Variants in SEMA3A observed in about 807,000 individuals in gnomAD.
SEMA3A encodes the protein semaphorin 3A, also known as semaphorin-3A.
A neutral mutation model predicts 97.9 loss-of-function variants in SEMA3A; 29 were observed. The ratio of observed to expected loss-of-function variants is 0.30; its 90% CI spans 0.22 to 0.40. The LOEUF (loss-of-function observed/expected upper bound fraction) is 0.40, where lower values mean the gene tolerates loss of function less well. SEMA3A is among the 10% of genes least tolerant of loss of function. The pLI, the probability that SEMA3A is intolerant of heterozygous loss-of-function variation, is 1.00. For missense variants in SEMA3A, 763 were observed against 951.3 expected (o/e 0.80, Z 2.60); for synonymous variants, 321 against 323.7 (o/e 0.99, Z 0.09).
At chr7:84,248,775 G>T (rs187086485) in intron 3 of SEMA3A, among the ~76,000 whole-genome samples, 5 of 143,590 alleles carry the variant, frequency 3.5e-5, no homozygotes, top group African/African-American at 1.3e-4. Flanking sequence ...TTAAAATTAC[G>T]CAGTAAGTTT....
At chr7:84,334,219 A>G (rs964324273) in intron 2 of SEMA3A, among the ~76,000 whole-genome samples, 7 of 152,016 alleles carry the variant, frequency 4.6e-5, no homozygotes, top group Admixed American at 3.3e-4. Context: ...CCATTTATAT[A>G]TTTGCTATTC....
At chr7:83,979,978 A>G (rs1789326038) in intron 14 of SEMA3A, among the ~76,000 whole-genome samples, 1 of 152,216 alleles carries the variant, frequency 6.6e-6, no homozygotes, top group African/African-American at 2.4e-5. Context: ...AATAGCTATA[A>G]TAAACAATAA....
At chr7:84,001,740 T>C (rs142663382) in intron 12 of SEMA3A, among the ~76,000 whole-genome samples, 2 of 152,180 alleles carry the variant, frequency 1.3e-5, no homozygotes, top group African/African-American at 4.8e-5. Context: ...GAAAACAAAA[T>C]ATGAGCCAAA....
chr7:84,149,895 A>G (rs905852969), intron 1 of SEMA3A, among the ~76,000 whole-genome samples: 1 of 152,222 alleles, frequency 6.6e-6, no homozygotes, highest in African/African-American at 2.4e-5. Context: ...TGTTATTGCT[A>G]TTAAATTTTA....
intron 1 of SEMA3A, among the ~76,000 whole-genome samples, chr7:84,432,237 A>C (rs1045346599): frequency 1.3e-5 from 2 of 152,130 alleles, no homozygotes; most frequent in Admixed American, 1.3e-4. Context: ...TATGTGTTGC[A>C]GAGAGAAAAA....
intron 1 of SEMA3A, among the ~76,000 whole-genome samples, chr7:84,463,275 C>G (rs182796891): frequency 0.018 from 1,733 of 98,130 alleles, 45 homozygotes; most frequent in African/African-American, 0.076. Flanking sequence ...TTAGGAGGGA[C>G]TCTTGCTCTG....
At chr7:84,266,065 T>C (rs1271496530) in intron 3 of SEMA3A, among the ~76,000 whole-genome samples, 1 of 152,052 alleles carries the variant, frequency 6.6e-6, no homozygotes, top group African/African-American at 2.4e-5. Context: ...ACATCTGTAA[T>C]CCCAACACTT....
chr7:84,414,145 GT>G lies in SEMA3A; in HGVS notation c.-245-42246del, dbSNP rs1804359961. Among the ~76,000 whole-genome samples the G allele has an allele frequency of 2.6e-5, 4 of 151,982 alleles. No individual in the cohort carries two copies. In the South Asian group the frequency reaches 6.2e-4, roughly 24 times the overall value. Reference sequence around the variant, plus strand: ...AGTTTAAAAAGTAAATTATATATTTGTTTTCTTGTTTTATATTAAAAATAGT... The same window carrying G: ...AGTTTAAAAAGTAAATTATATATTTGTTTCTTGTTTTATATTAAAAATAGT... On this transcript the variant is annotated intron_variant, in intron 1 of 3. Coordinates refer to the SEMA3A transcript ENST00000424555.
chr7:84,423,566 AT>A (rs371939986), intron 1 of SEMA3A, among the ~76,000 whole-genome samples: 2 of 151,926 alleles, frequency 1.3e-5, no homozygotes, highest in African/African-American at 4.8e-5. Context: ...CTCTGTAATT[AT>A]TTTTTTGTCG....
chr7:84,026,595 T>G (rs1279167851), intron 6 of SEMA3A, among the ~76,000 whole-genome samples: 1 of 152,152 alleles, frequency 6.6e-6, no homozygotes, highest in East Asian at 1.9e-4. Context: ...GGAATCAACC[T>G]AAATGCCCAT....
At chr7:84,298,913 A>T (rs1800930747) in intron 3 of SEMA3A, among the ~76,000 whole-genome samples, 1 of 152,148 alleles carries the variant, frequency 6.6e-6, no homozygotes, top group Non-Finnish European at 1.5e-5. Context: ...ACGATGGAAG[A>T]GGAGACTTGG....
chr7:84,178,464 C>T (rs1797642644), intron 1 of SEMA3A, among the ~76,000 whole-genome samples: 1 of 151,334 alleles, frequency 6.6e-6, no homozygotes, highest in African/African-American at 2.4e-5. Context: ...AGAGGTAGAT[C>T]TTTTATTATT....
intron 2 of SEMA3A, among the ~76,000 whole-genome samples, chr7:84,357,411 T>C (rs1217267000): frequency 1.3e-5 from 2 of 151,996 alleles, no homozygotes; most frequent in African/African-American, 2.4e-5. Context: ...TTGCGATAGT[T>C]TGCTGAGAAT....
intron 5 of SEMA3A, among the ~76,000 whole-genome samples, chr7:84,051,460 C>T (rs1792649609): frequency 6.6e-6 from 1 of 152,108 alleles, no homozygotes; most frequent in East Asian, 1.9e-4. Flanking sequence ...GTATTTTATT[C>T]TCTTTGAAGC....
chr7:84,364,315 A>G (rs1442188956), intron 2 of SEMA3A, among the ~76,000 whole-genome samples: 1 of 151,708 alleles, frequency 6.6e-6, no homozygotes, highest in Non-Finnish European at 1.5e-5. Context: ...CACCTTGTAC[A>G]TTGGCCTTAA....
intron 1 of SEMA3A, among the ~76,000 whole-genome samples, chr7:84,164,119 A>G (rs1385832526): frequency 6.6e-6 from 1 of 152,194 alleles, no homozygotes; most frequent in African/African-American, 2.4e-5. Context: ...TTCTGGGATT[A>G]CAGACGTGGG....
chr7:84,302,312 A>G (rs1196704577), intron 3 of SEMA3A, among the ~76,000 whole-genome samples: 1 of 152,178 alleles, frequency 6.6e-6, no homozygotes, highest in Non-Finnish European at 1.5e-5. Context: ...TAAAGGATAT[A>G]CACTTCATTA....
At chr7:84,000,900 A>C (rs1209587149) in intron 12 of SEMA3A, among the ~76,000 whole-genome samples, 2 of 152,154 alleles carry the variant, frequency 1.3e-5, no homozygotes, top group Non-Finnish European at 2.9e-5. Flanking sequence ...ACATCTTGGG[A>C]AAACTGCTTA....
chr7:84,317,558 T>G (rs1801539015), intron 2 of SEMA3A, among the ~76,000 whole-genome samples: 1 of 152,144 alleles, frequency 6.6e-6, no homozygotes, highest in Non-Finnish European at 1.5e-5. Flanking sequence ...TCACTATTTC[T>G]CAGCTTAAAA....
Sources: allele counts gnomAD v4.1 joint callset (sites outside exome capture counted in the v4.1 genomes callset), GRCh38; gene constraint gnomAD v4.1.1; transcripts MANE v1.5; gene names NCBI Gene and HGNC (gene_info 2026-07-23, HGNC 2026-07-21).